The following SAMD12 variants were observed in gnomAD, a reference collection of about 807,000 sequenced individuals.
The protein encoded by SAMD12 is sterile alpha motif domain containing 12.
SAMD12 carries 9 observed loss-of-function variants against 15.0 expected under a neutral mutation model. The ratio of observed to expected loss-of-function variants is 0.60; its 90% CI spans 0.36 to 1.05. The LOEUF (loss-of-function observed/expected upper bound fraction) is 1.05. Ranked by LOEUF, SAMD12 falls within the 50% of genes least tolerant of loss-of-function variation. SAMD12 has a pLI of 0.01. For synonymous variants in SAMD12, 86 were observed against 90.1 expected (o/e 0.96, Z 0.25); for missense variants, 230 against 234.2 (o/e 0.98, Z 0.12).
the SAMD12 span, among the ~76,000 whole-genome samples, chr8:118,145,752 A>G: frequency 1.3e-5 from 2 of 152,250 alleles, no homozygotes; most frequent in African/African-American, 4.8e-5. Context: ...AGAGAGCCTC[A>G]GACTACAATG....
intron 4 of SAMD12, among the ~76,000 whole-genome samples, chr8:118,345,879 T>A (rs1286711091): frequency 6.6e-6 from 1 of 152,186 alleles, no homozygotes; most frequent in Non-Finnish European, 1.5e-5. Flanking sequence ...ACTTTTGGCA[T>A]CTGGAAAACA....
Position 118,596,617 on chromosome 8 carries a change from T to C in SAMD12, c.14-15724A>G, listed in dbSNP as rs148534725. Among the ~76,000 whole-genome samples, 458 of 152,322 alleles carry C rather than the reference T, an allele frequency of 3.0e-3. 2 individuals are homozygous for C. Among genetic ancestry groups the C allele is most frequent in the African/African-American group, 0.011 (437 of 41,562 alleles). On this transcript the variant is annotated intron_variant, in intron 1 of 3. Transcript: ENST00000314727. The stretch of plus-strand genomic sequence containing the variant: ...CTGGCAACTCAACTACTTTAGGCAT[T>C]GTTGATCACTGGCAAACTCCATGCT...
At chr8:118,322,975 G>A (rs73323634) in intron 4 of SAMD12, among the ~76,000 whole-genome samples, 4,161 of 152,254 alleles carry the variant, frequency 0.027, 170 homozygotes, top group African/African-American at 0.093. Flanking sequence ...TTCCCTTGAA[G>A]CAGGTGGGAT....
chr8:118,543,631 C>CTTTTTTTTTTT lies in SAMD12; in HGVS notation c.192+37073_192+37083dup, dbSNP rs397978436. 6.0e-3 allele frequency among the ~76,000 whole-genome samples: 694 copies of CTTTTTTTTTTT among 116,476 alleles called. 27 individuals are homozygous for CTTTTTTTTTTT. The highest frequency in any genetic ancestry group is 0.022 in the African/African-American group (609 of 27,414). The allele number at this position is 116,476 out of a possible 152,430, so 76.4% of individuals were successfully genotyped here. ...TTTTTTTTCTTTTCTTTCTTTCTTT[C>CTTTTTTTTTTT]TTTTTTTTTTTTTTTTTAGCTCACC... On this transcript the variant is annotated intron_variant, in intron 2 of 3. Coordinates refer to ENST00000314727, the MANE Select transcript of SAMD12 (RefSeq NM_207506.3).
At chr8:118,604,092 C>T (rs1827931619) in intron 1 of SAMD12, among the ~76,000 whole-genome samples, 2 of 152,162 alleles carry the variant, frequency 1.3e-5, no homozygotes, top group South Asian at 4.1e-4. Flanking sequence ...ATGATTTCAA[C>T]TATACATACA....
chr8:118,208,125 T>C (rs977383376), intron 4 of SAMD12, among the ~76,000 whole-genome samples: 8 of 151,886 alleles, frequency 5.3e-5, no homozygotes, highest in Admixed American at 1.3e-4. Context: ...GGTGTGGTAG[T>C]GCATGCCTGT....
chr8:118,426,556 G>A (rs980419003), intron 3 of SAMD12, among the ~76,000 whole-genome samples: 1 of 152,174 alleles, frequency 6.6e-6, no homozygotes, highest in Non-Finnish European at 1.5e-5. Flanking sequence ...CTAAAGCAAG[G>A]CTGCTCCCAT....
At chr8:118,388,810 A>AT (rs1820106300) in intron 3 of SAMD12, among the ~76,000 whole-genome samples, 1 of 152,260 alleles carries the variant, frequency 6.6e-6, no homozygotes, top group East Asian at 1.9e-4. Context: ...TGTCTTTACC[A>AT]CCCTATGGAG....
At chr8:118,528,926 C>G (rs1254907032) in intron 2 of SAMD12, among the ~76,000 whole-genome samples, 1 of 151,996 alleles carries the variant, frequency 6.6e-6, no homozygotes, top group Non-Finnish European at 1.5e-5. Context: ...TGGTGTCATG[C>G]AGGGCCACCC....
chr8:118,566,208 A>G (rs1193994197), intron 2 of SAMD12, among the ~76,000 whole-genome samples: 1 of 152,174 alleles, frequency 6.6e-6, no homozygotes, highest in Non-Finnish European at 1.5e-5. Context: ...TAAGTAGGCT[A>G]TATCCTTTCC....
chr8:118,301,792 C>T (rs979590292), intron 4 of SAMD12, among the ~76,000 whole-genome samples: 5 of 152,186 alleles, frequency 3.3e-5, no homozygotes, highest in African/African-American at 1.2e-4. Context: ...TGCATTTCTA[C>T]ACTTCTCAGA....
chr8:118,279,203 C>T (rs1174041984), intron 4 of SAMD12, among the ~76,000 whole-genome samples: 2 of 152,166 alleles, frequency 1.3e-5, no homozygotes, highest in African/African-American at 4.8e-5. Flanking sequence ...CAATTGCTCA[C>T]CCCTGACAAT....
At chr8:118,204,615 G>A (rs559439211) in intron 4 of SAMD12, among the ~76,000 whole-genome samples, 1 of 152,186 alleles carries the variant, frequency 6.6e-6, no homozygotes, top group Non-Finnish European at 1.5e-5. Context: ...TTAGCCAGGC[G>A]TGGCGGCCGG....
Position 118,559,032 on chromosome 8 carries a change from G to C in SAMD12, c.192+21683C>G, listed in dbSNP as rs561733321. Among the ~76,000 whole-genome samples the C allele has an allele frequency of 1.3e-3, 197 of 152,282 alleles. 1 individual carries two copies. Among genetic ancestry groups the C allele is most frequent in the African/African-American group, 4.6e-3 (192 of 41,542 alleles). On this transcript the variant is annotated intron_variant, in intron 2 of 3. Coordinates refer to ENST00000314727, the MANE Select transcript of SAMD12 (RefSeq NM_207506.3). The stretch of plus-strand genomic sequence containing the variant: ...CCCAATTCAGGGGGAGAAAAAATGA[G>C]AGATATTTAATGATTCTATAATATC...
intron 4 of SAMD12, among the ~76,000 whole-genome samples, chr8:118,246,217 C>T (rs1812694912): frequency 6.6e-6 from 1 of 152,100 alleles, no homozygotes; most frequent in African/African-American, 2.4e-5. Context: ...TTCTTTTCAC[C>T]ATCCTGCAAG....
the SAMD12 span, among the ~76,000 whole-genome samples, chr8:118,159,200 T>C: frequency 6.6e-6 from 1 of 152,160 alleles, no homozygotes; most frequent in African/African-American, 2.4e-5. Flanking sequence ...ACATCATCTT[T>C]GGGGCTTTGT....
chr8:118,475,878 C>T (rs1022610993), intron 2 of SAMD12, among the ~76,000 whole-genome samples: 2 of 152,160 alleles, frequency 1.3e-5, no homozygotes, highest in Non-Finnish European at 2.9e-5. Flanking sequence ...TTCACTGTTC[C>T]CAAGCAAGGC....
At chr8:118,391,675 C>G (rs1820282460) in intron 3 of SAMD12, among the ~76,000 whole-genome samples, 2 of 152,242 alleles carry the variant, frequency 1.3e-5, no homozygotes, top group South Asian at 2.1e-4. Context: ...TTCTCTAATA[C>G]TGAGGGATTT....
At chr8:118,408,496 A>T (rs1186949972) in intron 3 of SAMD12, among the ~76,000 whole-genome samples, 4 of 152,156 alleles carry the variant, frequency 2.6e-5, no homozygotes, top group African/African-American at 9.7e-5. Context: ...CAGAATAGTC[A>T]AGTTTTCACC....
Sources: allele counts gnomAD v4.1 joint callset (sites outside exome capture counted in the v4.1 genomes callset), GRCh38; gene constraint gnomAD v4.1.1; transcripts MANE v1.5; gene names NCBI Gene and HGNC (gene_info 2026-07-23, HGNC 2026-07-21).